The following FARS2 variants were observed in gnomAD, a reference collection of about 807,000 sequenced individuals.
The protein encoded by FARS2 is phenylalanine--tRNA ligase, mitochondrial.
In FARS2, 40 loss-of-function variants were observed where a neutral mutation model predicts 46.4. The observed-to-expected ratio is 0.86, with a 90% CI of 0.67 to 1.12. The LOEUF (loss-of-function observed/expected upper bound fraction) is 1.12, where lower values mean the gene tolerates loss of function less well. Among genes scored for constraint, FARS2 ranks in the 50% most tolerant of loss-of-function variants. The pLI, the probability that FARS2 is intolerant of heterozygous loss-of-function variation, is 0.00. For missense variants in FARS2, 513 were observed against 567.9 expected, an observed-to-expected ratio of 0.90 and a Z score of 0.98; for synonymous variants, 234 against 214.9, an observed-to-expected ratio of 1.09 and a Z score of -0.78.
chr6:5,649,501 C>T (rs1178358463), intron 6 of FARS2, among the ~76,000 whole-genome samples: 1 of 152,210 alleles, frequency 6.6e-6, no homozygotes, highest in Non-Finnish European at 1.5e-5. Flanking sequence ...GCTGAGGGTG[C>T]AGGCTGCTGG....
chr6:5,557,086 G>A (rs1173973867), intron 5 of FARS2, among the ~76,000 whole-genome samples: 2 of 152,096 alleles, frequency 1.3e-5, no homozygotes, highest in Non-Finnish European at 2.9e-5. Context: ...AGAAGGAACC[G>A]GTTTGAAGGA....
At chr6:5,686,681 A>G (rs1409170676) in intron 6 of FARS2, among the ~76,000 whole-genome samples, 3 of 152,204 alleles carry the variant, frequency 2.0e-5, no homozygotes, top group Non-Finnish European at 4.4e-5. Flanking sequence ...ATGTGTCTTT[A>G]TAACAGCATG....
At chr6:5,452,864 A>C (rs1254437782) in intron 4 of FARS2, 1 of 152,212 alleles carries the variant, frequency 6.6e-6, no homozygotes, top group Non-Finnish European at 1.5e-5. Context: ...GGACCCAGAG[A>C]TCAGCGGATA....
intron 6 of FARS2, among the ~76,000 whole-genome samples, chr6:5,741,674 A>G (rs1412921598): frequency 1.3e-5 from 2 of 152,128 alleles, no homozygotes; most frequent in Non-Finnish European, 2.9e-5. Context: ...TTTTTCTGAT[A>G]GAGTCTGGCT....
chr6:5,264,300 A>T (rs183214428), intron 1 of FARS2, among the ~76,000 whole-genome samples: 84 of 152,138 alleles, frequency 5.5e-4, no homozygotes, highest in Non-Finnish European at 9.6e-4. Context: ...ATTCTACACC[A>T]CACATGAATC....
intron 5 of FARS2, among the ~76,000 whole-genome samples, chr6:5,560,479 A>C (rs1385299147): frequency 1.3e-5 from 2 of 151,988 alleles, no homozygotes; most frequent in East Asian, 3.9e-4. Context: ...ATATTTCTTT[A>C]GGATTTCTGA....
Position 5,560,831 on chromosome 6 carries a change from T to C in FARS2, c.1065+15491T>C, listed in dbSNP as rs112892607. Among the ~76,000 whole-genome samples, 1,315 of 152,278 alleles carry C rather than the reference T, an allele frequency of 8.6e-3. 30 individuals carry two copies. Among genetic ancestry groups the C allele is most frequent in the African/African-American group, 0.027 (1,133 of 41,528 alleles). ...TAGGGAATTGTCTGTTTTTAAATTT[T>C]CATATGTATTGGCACAGCTGGGCGC... is the stretch of plus-strand genomic sequence containing the variant. On this transcript the variant is annotated intron_variant, in intron 5 of 6. Transcript: ENST00000274680.
chr6:5,439,249 C>T (rs1763706522), intron 4 of FARS2, among the ~76,000 whole-genome samples: 1 of 152,004 alleles, frequency 6.6e-6, no homozygotes, highest in African/African-American at 2.4e-5. Flanking sequence ...CAGTGTCAGG[C>T]TGATATCTGT....
chr6:5,314,165 C>T (rs780273275), intron 1 of FARS2, among the ~76,000 whole-genome samples: 4 of 152,086 alleles, frequency 2.6e-5, no homozygotes, highest in Non-Finnish European at 2.9e-5. Context: ...GAAAATGGAT[C>T]GAGGAGTCTA....
intron 6 of FARS2, among the ~76,000 whole-genome samples, chr6:5,675,868 A>G (rs1393534858): frequency 6.6e-6 from 1 of 152,174 alleles, no homozygotes; most frequent in Non-Finnish European, 1.5e-5. Flanking sequence ...TGCATAGCAC[A>G]GAATTTGTTT....
chr6:5,591,942 G>C (rs983290275), intron 5 of FARS2, among the ~76,000 whole-genome samples: 2 of 151,986 alleles, frequency 1.3e-5, no homozygotes, highest in African/African-American at 4.8e-5. Flanking sequence ...ATGTTTCTTC[G>C]CACATAGCTT....
intron 1 of FARS2, among the ~76,000 whole-genome samples, chr6:5,317,693 T>G (rs1769636923): frequency 6.6e-6 from 1 of 151,412 alleles, no homozygotes. Context: ...GGCGGGAGAA[T>G]CTCTTGAGCC....
chr6:5,574,195 G>A (rs759026460), intron 5 of FARS2, among the ~76,000 whole-genome samples: 1 of 152,036 alleles, frequency 6.6e-6, no homozygotes, highest in African/African-American at 2.4e-5. Flanking sequence ...ACAGTGGTGC[G>A]ATCTCGGCTC....
chr6:5,490,862 C>T (rs1220699196), intron 4 of FARS2, among the ~76,000 whole-genome samples: 1 of 152,210 alleles, frequency 6.6e-6, no homozygotes, highest in East Asian at 1.9e-4. Context: ...AGATATCCAA[C>T]CAGTTATACC....
chr6:5,756,503 A>C (rs1762211442), intron 6 of FARS2, among the ~76,000 whole-genome samples: 1 of 149,526 alleles, frequency 6.7e-6, no homozygotes, highest in Non-Finnish European at 1.5e-5. Context: ...AGCAGGAGAG[A>C]GAGAGAGAGC....
In FARS2 at chr6:5,607,558, T is replaced by C. The variant is rs114104774; in HGVS notation, c.1066-5611T>C. Reference sequence around the variant, plus strand: ...CTGTTAAAAATCTGAAGCCATTCAGTCATCATGACCTTGTTCCACCATCTC... The same window carrying C: ...CTGTTAAAAATCTGAAGCCATTCAGCCATCATGACCTTGTTCCACCATCTC... On this transcript the variant is annotated intron_variant, in intron 5 of 6. Coordinates refer to ENST00000274680, the MANE Select transcript of FARS2 (RefSeq NM_006567.5). 7.8e-3 allele frequency among the ~76,000 whole-genome samples: 1,191 copies of C among 152,166 alleles called. 7 individuals are homozygous for C. The highest frequency in any genetic ancestry group is 0.016 in the South Asian group (74 of 4,768).
intron 6 of FARS2, among the ~76,000 whole-genome samples, chr6:5,619,059 C>G (rs376940209): frequency 7.2e-5 from 11 of 152,162 alleles, no homozygotes; most frequent in East Asian, 5.8e-4. Context: ...CAGAATATTT[C>G]TTAGCAAAAT....
intron 6 of FARS2, among the ~76,000 whole-genome samples, chr6:5,676,347 G>A (rs188152540): frequency 5.9e-5 from 9 of 152,230 alleles, no homozygotes; most frequent in East Asian, 1.9e-4. Context: ...TTTTGTATTC[G>A]TTAAATACAA....
intron 4 of FARS2, among the ~76,000 whole-genome samples, chr6:5,504,006 G>A (rs1355940572): frequency 6.6e-6 from 1 of 152,052 alleles, no homozygotes; most frequent in Non-Finnish European, 1.5e-5. Context: ...TTCAGCATAG[G>A]CAGGTTTTAG....
Sources: gnomAD v4.1 joint callset for allele counts (sites outside exome capture counted in the v4.1 genomes callset) on GRCh38, gnomAD v4.1.1 for gene constraint, MANE v1.5 for transcripts, NCBI Gene and HGNC (gene_info 2026-07-23, HGNC 2026-07-21) for gene names.